The following BCL9 variants were observed in gnomAD, a reference collection of about 807,000 sequenced individuals.
The protein encoded by BCL9 is BCL9 transcription coactivator.
In BCL9, 25 loss-of-function variants were observed where a neutral mutation model predicts 88.5. The observed-to-expected ratio is 0.28, with a 90% CI of 0.21 to 0.39. BCL9 has a LOEUF of 0.39. Ranked by LOEUF, BCL9 falls within the 10% of genes least tolerant of loss-of-function variation. The probability of loss-of-function intolerance (pLI) is 1.00; values close to 1 mark genes in which losing one functional copy is unlikely to be tolerated. For missense variants in BCL9, 1,817 were observed against 1,877.8 expected, an observed-to-expected ratio of 0.97 and a Z score of 0.60; for synonymous variants, 711 against 673.3, an observed-to-expected ratio of 1.06 and a Z score of -0.87.
chr1:147,579,373 C>G (rs1451366371), intron 1 of BCL9, among the ~76,000 whole-genome samples: 1 of 152,186 alleles, frequency 6.6e-6, no homozygotes, highest in African/African-American at 2.4e-5. Flanking sequence ...TTCTCAAATG[C>G]AGAGAATTGC....
At chr1:147,600,127 A>C (rs1180057563) in intron 1 of BCL9, 1 of 131,716 alleles carries the variant, frequency 7.6e-6, no homozygotes. Flanking sequence ...GGGAGGGGGG[A>C]GCCGGAAAGG....
chr1:147,566,074 G>A (rs1444861080), intron 1 of BCL9, among the ~76,000 whole-genome samples: 2 of 152,156 alleles, frequency 1.3e-5, no homozygotes, highest in Non-Finnish European at 2.9e-5. Context: ...CAGTTGTAAA[G>A]TTGGTGGGGG....
At chr1:147,565,824 T>C (rs587628621) in intron 1 of BCL9, among the ~76,000 whole-genome samples, 1 of 152,302 alleles carries the variant, frequency 6.6e-6, no homozygotes, top group African/African-American at 2.4e-5. Flanking sequence ...CCAGTAGATA[T>C]TTGACATAGC....
intron 3 of BCL9, among the ~76,000 whole-genome samples, chr1:147,608,479 G>C (rs2101603129): frequency 6.6e-6 from 1 of 152,110 alleles, no homozygotes; most frequent in Non-Finnish European, 1.5e-5. Flanking sequence ...ACCTGTGGCT[G>C]GATTGACTTT....
rs1191334854 is a variant in BCL9, at chr1:147,624,667, A to T, written c.3989A>T (p.His1330Leu). The change falls in exon 10 of 10, where the codon CAC becomes CTC. Residue 1330 changes from histidine to leucine, a missense_variant. Physicochemically the swap from His to Leu is moderately conservative, Grantham distance 99 (BLOSUM62 -3). Transcript: ENST00000234739. The surrounding 1 kb of genome is among the most constrained non-coding windows in gnomAD (Gnocchi z 4.4). ...AFLQQGMMGPHHRMMSPAQST... is the reference protein window; with the variant it reads ...AFLQQGMMGPLHRMMSPAQST... ...CTCCAACAAGGCATGATGGGACCTC[A>T]CCATCGGATGATGTCACCAGCACAA... The T allele has an allele frequency of 6.2e-7, 1 of 1,614,182 alleles. No homozygotes were observed. The highest frequency in any genetic ancestry group is 2.2e-5 in the East Asian group (1 of 44,878).
At chr1:147,623,777 T>C in intron 9 of BCL9, 65 bp from the exon 10 acceptor site, 1 of 1,511,568 alleles carries the variant, frequency 6.6e-7, no homozygotes, top group East Asian at 2.3e-5. Context: ...TTTTGTTAAT[T>C]TATTATAGTT....
At position 147,624,267 on chromosome 1, in the gene BCL9, G is replaced by A. The variant is rs1439344223; in HGVS notation, c.3589G>A (p.Gly1197Ser). Residue 1197 changes from glycine (G) to serine (S), a missense_variant, in exon 10 of 10, where the codon GGC becomes AGC. Gly to Ser is a moderately conservative substitution (Grantham distance 56). This residue lies in a region of BCL9 where 589 missense variants were observed against 686.2 expected (regional missense o/e 0.86). Coordinates refer to ENST00000234739, the MANE Select transcript of BCL9 (RefSeq NM_004326.4). This position sits in a 1 kb window ranked among gnomAD's most constrained non-coding sequence, Gnocchi z 4.4. ...SADAALCKPGGPGGPDSFTVL... is the reference protein window; with the variant it reads ...SADAALCKPGSPGGPDSFTVL... ...AGATGCAGCACTTTGCAAGCCTGGA[G>A]GCCCCGGGGGTCCTGACTCCTTCAC... is the stretch of plus-strand genomic sequence containing the variant. The A allele has an allele frequency of 6.2e-7, 1 of 1,614,118 alleles. No homozygotes were observed. The highest frequency in any genetic ancestry group is 8.5e-7 in the Non-Finnish European group (1 of 1,180,036).
rs1553200835 is a variant in BCL9, at chr1:147,599,469, C to T, written c.-477-5308C>T. 1.4e-5 allele frequency among the ~76,000 whole-genome samples: 2 copies of T among 147,098 alleles called. 1 individual carries two copies. Among genetic ancestry groups the T allele is most frequent in the African/African-American group, 5.3e-5 (2 of 37,386 alleles). ...TGGCCAAATTCCACGCTGCCCTTCCCCCTCCGCGCCTTTCCTGGCCCCCCG... is the reference window on the plus strand; with the variant it reads ...TGGCCAAATTCCACGCTGCCCTTCCTCCTCCGCGCCTTTCCTGGCCCCCCG... On this transcript the variant is annotated intron_variant, in intron 1 of 9. Coordinates refer to ENST00000234739, the MANE Select transcript of BCL9 (RefSeq NM_004326.4).
intron 1 of BCL9, among the ~76,000 whole-genome samples, chr1:147,592,748 G>A (rs1408629983): frequency 3.9e-5 from 6 of 152,156 alleles, no homozygotes; most frequent in Admixed American, 3.9e-4. Context: ...ATGACCAAAT[G>A]CAATAATAAG....
intron 2 of BCL9, among the ~76,000 whole-genome samples, chr1:147,606,318 AGAGTTATGGTG>A (rs1401483831): frequency 6.6e-6 from 1 of 152,190 alleles, no homozygotes; most frequent in Non-Finnish European, 1.5e-5. Flanking sequence ...TGCTGGATGT[AGAGTTATGGTG>A]GAGAGCAGGG....
intron 1 of BCL9, among the ~76,000 whole-genome samples, chr1:147,585,096 T>C (rs1017575550): frequency 3.3e-5 from 5 of 152,102 alleles, no homozygotes; most frequent in African/African-American, 2.4e-5. Flanking sequence ...GGTGTGAAAA[T>C]TGGATTTTAC....
rs587653838 is a variant in BCL9 at position 147,621,297 on chromosome 1, A to G, written c.2902+240A>G. ...TTAAAAGGAAGAGGGGAAATGGGGA[A>G]TATGTGTTGGGTTCACAGAATAATT... On this transcript the variant is annotated intron_variant, in intron 8 of 9. Coordinates refer to ENST00000234739, the MANE Select transcript of BCL9 (RefSeq NM_004326.4). Among the ~76,000 whole-genome samples, 40 of 152,326 alleles carry G rather than the reference A, an allele frequency of 2.6e-4. 1 individual carries two copies. The Middle Eastern group carries it at 0.014, about 52-fold the overall frequency.
At chr1:147,543,791 C>T (rs1654435668) in intron 1 of BCL9, among the ~76,000 whole-genome samples, 1 of 152,116 alleles carries the variant, frequency 6.6e-6, no homozygotes, top group Non-Finnish European at 1.5e-5. Context: ...CTAGACCACA[C>T]CCTGGGGTTC....
At chr1:147,607,309 A>C (rs1194821067) in intron 3 of BCL9, among the ~76,000 whole-genome samples, 6 of 152,176 alleles carry the variant, frequency 3.9e-5, no homozygotes, top group African/African-American at 1.4e-4. Context: ...GGCAAATATC[A>C]CTTCCATATA....
chr1:147,549,563 C>T (rs974985710), intron 1 of BCL9, among the ~76,000 whole-genome samples: 6 of 152,196 alleles, frequency 3.9e-5, no homozygotes, highest in Non-Finnish European at 7.3e-5. Flanking sequence ...CAGGAATCTG[C>T]AGTTGTGACC....
At chr1:147,610,076 T>C (rs1657920724) in intron 3 of BCL9, among the ~76,000 whole-genome samples, 1 of 152,192 alleles carries the variant, frequency 6.6e-6, no homozygotes, top group Non-Finnish European at 1.5e-5. Flanking sequence ...TTTCTACTTC[T>C]ATTTTCCCAG....
intron 1 of BCL9, among the ~76,000 whole-genome samples, chr1:147,601,119 A>C (rs1455534800): frequency 6.6e-6 from 1 of 152,158 alleles, no homozygotes; most frequent in African/African-American, 2.4e-5. Context: ...ATGAAGGAGG[A>C]GGCCAGAAAT....
chr1:147,598,589 G>C (rs1657157335), intron 1 of BCL9, among the ~76,000 whole-genome samples: 1 of 152,182 alleles, frequency 6.6e-6, no homozygotes, highest in African/African-American at 2.4e-5. Flanking sequence ...TAAGTACCCT[G>C]GTTAAAACCA....
intron 4 of BCL9, 26 bp downstream of exon 4, chr1:147,611,915 C>T (rs782601982): frequency 1.2e-6 from 2 of 1,607,796 alleles, no homozygotes; most frequent in Non-Finnish European, 1.7e-6. Context: ...GGGCCTCTTC[C>T]TGCAGCCCCT....
Sources: allele counts gnomAD v4.1 joint callset (sites outside exome capture counted in the v4.1 genomes callset), GRCh38; gene constraint gnomAD v4.1.1; regional missense constraint gnomAD v4.1.1; non-coding constraint Gnocchi (gnomAD v3.1); transcripts MANE v1.5; gene names NCBI Gene and HGNC (gene_info 2026-07-23, HGNC 2026-07-21).